RAB5C: variants seen among roughly 807,000 people sequenced by gnomAD.
RAB5C encodes the protein ras-related protein Rab-5C.
Under a neutral mutation model 25.2 loss-of-function variants are expected in RAB5C, and 4 were observed. That is an observed-to-expected ratio of 0.16 (90% CI 0.08 to 0.36). The LOEUF is 0.36. Among genes scored for constraint, RAB5C ranks in the 10% least tolerant of loss-of-function variants. The probability of loss-of-function intolerance (pLI) is 1.00; values close to 1 mark genes in which losing one functional copy is unlikely to be tolerated. For synonymous variants in RAB5C, 100 were observed against 106.4 expected, an observed-to-expected ratio of 0.94 and a Z score of 0.37; for missense variants, 199 against 283.8, an observed-to-expected ratio of 0.70 and a Z score of 2.15.
At chr17:42,137,083 A>G (rs980836420) in intron 1 of RAB5C, among the ~76,000 whole-genome samples, 1 of 152,124 alleles carries the variant, frequency 6.6e-6, no homozygotes, top group African/African-American at 2.4e-5. Flanking sequence ...AGGTGGGTGG[A>G]TCACCTGAGG....
At chr17:42,147,136 AAGAAAGAAAGAG>A (rs1338245623) in intron 1 of RAB5C, among the ~76,000 whole-genome samples, 5 of 124,638 alleles carry the variant, frequency 4.0e-5, no homozygotes, top group African/African-American at 2.3e-4. Flanking sequence ...GAAAGAAAGA[AAGAAAGAAAGAG>A]AGAGAGAGAG....
At chr17:42,129,084 G>A (rs1351918350) in intron 2 of RAB5C, among the ~76,000 whole-genome samples, 2 of 152,102 alleles carry the variant, frequency 1.3e-5, no homozygotes, top group Non-Finnish European at 2.9e-5. Context: ...ACTCTCTGAA[G>A]AGCAACACAG....
intron 2 of RAB5C, 34 bp from the exon 3 acceptor site, chr17:42,128,834 C>A (rs370355817): frequency 4.2e-6 from 6 of 1,426,256 alleles, no homozygotes; most frequent in Non-Finnish European, 3.7e-6. Context: ...TGGGCAAGAG[C>A]GAGTTGGAAT....
chr17:42,133,503 G>A (rs2054506618), intron 1 of RAB5C, among the ~76,000 whole-genome samples: 1 of 152,210 alleles, frequency 6.6e-6, no homozygotes, highest in Non-Finnish European at 1.5e-5. Flanking sequence ...GTTCTCAACG[G>A]TGTCTGTACA....
intron 1 of RAB5C, among the ~76,000 whole-genome samples, chr17:42,137,381 G>A (rs1037736222): frequency 4.6e-5 from 7 of 151,278 alleles, no homozygotes; most frequent in African/African-American, 1.7e-4. Context: ...AAATACATGA[G>A]TGTATAATAA....
chr17:42,148,432 GGGCA>G (rs1568025564), intron 1 of RAB5C, among the ~76,000 whole-genome samples: 8 of 149,816 alleles, frequency 5.3e-5, no homozygotes, highest in Non-Finnish European at 1.2e-4. Context: ...AAAAAGAAGT[GGGCA>G]GGTGTTTGGT....
intron 4 of RAB5C, 43 bp downstream of exon 4, chr17:42,128,218 G>A: frequency 1.3e-6 from 2 of 1,590,728 alleles, no homozygotes; most frequent in Non-Finnish European, 1.7e-6. Context: ...GCCGGGGGGA[G>A]CTGCTTACTC....
intron 1 of RAB5C, among the ~76,000 whole-genome samples, chr17:42,139,479 T>C (rs1215453313): frequency 1.3e-5 from 2 of 152,220 alleles, no homozygotes; most frequent in Admixed American, 6.5e-5. Flanking sequence ...TTCTTTTTTT[T>C]TGAGACGGAA....
At chr17:42,141,213 G>C (rs576904403) in intron 1 of RAB5C, among the ~76,000 whole-genome samples, 9 of 152,204 alleles carry the variant, frequency 5.9e-5, no homozygotes, top group African/African-American at 2.2e-4. Flanking sequence ...AAGATTCAAT[G>C]AGCGAATCAC....
At position 42,127,093 on chromosome 17, in the gene RAB5C, T is replaced by C. The variant is rs1022039421; in HGVS notation, c.442-245A>G. ...GTTTCCCCAGGTCCACCCTGCCTTC[T>C]TGCTCTTCAAAATCACTAGGCTAGG... On this transcript the variant is annotated intron_variant, in intron 4 of 5. Coordinates refer to ENST00000346213, the MANE Select transcript of RAB5C (RefSeq NM_004583.4). Among the ~76,000 whole-genome samples, 5 of 152,240 alleles carry C rather than the reference T, an allele frequency of 3.3e-5. No homozygotes were observed. The East Asian group carries it at 9.6e-4, about 29-fold the overall frequency.
chr17:42,127,422 C>A (rs1328284962), intron 4 of RAB5C, among the ~76,000 whole-genome samples: 2 of 152,100 alleles, frequency 1.3e-5, no homozygotes, highest in Non-Finnish European at 2.9e-5. Flanking sequence ...AGTCAACTTA[C>A]AAGAAAAGAG....
chr17:42,136,265 C>G (rs993155765), intron 1 of RAB5C: 3 of 152,182 alleles, frequency 2.0e-5, no homozygotes, highest in African/African-American at 7.2e-5. Context: ...GATGATTTAC[C>G]CATAGGCTCA....
At position 42,125,902 on chromosome 17, in the gene RAB5C, T is replaced by C; in HGVS notation, c.536-4A>G. 6.2e-7 allele frequency: 1 copy of C among 1,602,110 alleles called. No homozygotes were observed. Among genetic ancestry groups the C allele is most frequent in the Non-Finnish European group, 8.5e-7 (1 of 1,173,426 alleles). Reference sequence around the variant, plus strand: ...TCGTTCTTGGGAAGCTTCTTAGCTGTTTGGGAGGGGGAAAAGTGCATTTGT... The same window carrying C: ...TCGTTCTTGGGAAGCTTCTTAGCTGCTTGGGAGGGGGAAAAGTGCATTTGT... On this transcript the variant is annotated splice_polypyrimidine_tract_variant and splice_region_variant and intron_variant, in intron 5 of 5. Transcript: ENST00000346213.
intron 1 of RAB5C, among the ~76,000 whole-genome samples, chr17:42,149,598 A>G (rs2079657363): frequency 6.6e-6 from 1 of 152,116 alleles, no homozygotes; most frequent in Non-Finnish European, 1.5e-5. Context: ...AAATTAATTA[A>G]TTAATTAAAG....
chr17:42,130,587 C>A lies in RAB5C; in HGVS notation c.-85G>T. 2 of 1,575,256 alleles carry A rather than the reference C, an allele frequency of 1.3e-6. No homozygotes were observed. The highest frequency in any genetic ancestry group is 1.7e-6 in the Non-Finnish European group (2 of 1,159,896). On this transcript the variant is annotated 5_prime_UTR_variant, in exon 2 of 6. Coordinates refer to ENST00000346213, the MANE Select transcript of RAB5C (RefSeq NM_004583.4). ...AGGCACTTAGTGGGGAGGGGGACCT[C>A]CAACTGTAAGGGAGAAATGAGAAGT...
At chr17:42,149,126 G>C (rs574757688) in intron 1 of RAB5C, among the ~76,000 whole-genome samples, 149 of 152,276 alleles carry the variant, frequency 9.8e-4, no homozygotes, top group African/African-American at 3.6e-3. Flanking sequence ...CAAGGTTTTT[G>C]CAAGCATGAT....
At chr17:42,141,463 T>C (rs1370072089) in intron 1 of RAB5C, among the ~76,000 whole-genome samples, 1 of 152,184 alleles carries the variant, frequency 6.6e-6, no homozygotes, top group Non-Finnish European at 1.5e-5. Flanking sequence ...GAACTGTGCA[T>C]GTGAGAGGTA....
chr17:42,129,152 G>A (rs1253787940), intron 2 of RAB5C, among the ~76,000 whole-genome samples: 6 of 152,044 alleles, frequency 3.9e-5, no homozygotes, highest in East Asian at 1.9e-4. Context: ...AAGGGTGAGC[G>A]CCCTCAGACC....
intron 1 of RAB5C, among the ~76,000 whole-genome samples, chr17:42,153,912 G>A (rs1419433474): frequency 6.6e-6 from 1 of 152,218 alleles, no homozygotes; most frequent in African/African-American, 2.4e-5. Context: ...AGCCCTGAAG[G>A]GATTGCAGAC....
Sources: gnomAD v4.1 joint callset for allele counts (sites outside exome capture counted in the v4.1 genomes callset) on GRCh38, gnomAD v4.1.1 for gene constraint, MANE v1.5 for transcripts, NCBI Gene and HGNC (gene_info 2026-07-23, HGNC 2026-07-21) for gene names.